Variants in RBFOX1 observed in about 807,000 individuals in gnomAD.
RBFOX1 encodes RNA binding fox-1 homolog 1.
A neutral mutation model predicts 57.7 loss-of-function variants in RBFOX1; 8 were observed. That is an observed-to-expected ratio of 0.14 (90% confidence interval 0.08 to 0.25). RBFOX1 has a LOEUF of 0.25. RBFOX1 is among the 10% of genes least tolerant of loss of function. The pLI is 1.00. For synonymous variants in RBFOX1, 326 were observed against 222.4 expected (o/e 1.47, Z -4.15); for missense variants, 611 against 548.5 (o/e 1.11, Z -1.14).
chr16:5,636,119 G>A (rs981252062), intron 3 of RBFOX1, among the ~76,000 whole-genome samples: 1 of 152,078 alleles, frequency 6.6e-6, no homozygotes, highest in African/African-American at 2.4e-5. Flanking sequence ...AGGCAAAGGC[G>A]GGTGGATCAC....
At chr16:6,718,039 C>T (rs989065765) in intron 3 of RBFOX1, among the ~76,000 whole-genome samples, 2 of 152,296 alleles carry the variant, frequency 1.3e-5, no homozygotes, top group South Asian at 4.1e-4. Context: ...ACTGGTGTTT[C>T]ATCCCAAATA....
At chr16:6,823,084 G>A (rs2091579765) in intron 3 of RBFOX1, among the ~76,000 whole-genome samples, 1 of 152,054 alleles carries the variant, frequency 6.6e-6, no homozygotes, top group Admixed American at 6.6e-5. Context: ...CCATTTTACA[G>A]ATGGGAGACT....
intron 3 of RBFOX1, among the ~76,000 whole-genome samples, chr16:5,719,496 C>A (rs907937079): frequency 2.0e-5 from 3 of 152,038 alleles, no homozygotes; most frequent in Non-Finnish European, 2.9e-5. Flanking sequence ...AGGCATGAGC[C>A]ACTGCCCTAG....
intron 2 of RBFOX1, among the ~76,000 whole-genome samples, chr16:6,473,288 T>G (rs1003602107): frequency 6.6e-6 from 1 of 152,188 alleles, no homozygotes; most frequent in African/African-American, 2.4e-5. Context: ...GTCTCATTTT[T>G]GTAGTTCTGT....
chr16:7,510,335 T>G (rs1049714719), intron 4 of RBFOX1: 1 of 985,642 alleles, frequency 1.0e-6, no homozygotes, highest in African/African-American at 1.7e-5. Context: ...TTTTTTCCAT[T>G]TAATCTTTCA....
chr16:5,857,024 G>A (rs995626653), intron 3 of RBFOX1, among the ~76,000 whole-genome samples: 3 of 152,106 alleles, frequency 2.0e-5, no homozygotes, highest in African/African-American at 4.8e-5. Flanking sequence ...CTTTTGACAT[G>A]CTTTTCTCAC....
intron 3 of RBFOX1, among the ~76,000 whole-genome samples, chr16:6,818,469 T>C (rs1012890901): frequency 6.6e-6 from 1 of 152,198 alleles, no homozygotes; most frequent in African/African-American, 2.4e-5. Context: ...AGTGAGAGTT[T>C]TATGAGTGAG....
chr16:6,740,139 C>G lies in RBFOX1; in HGVS notation c.-16+85489C>G, dbSNP rs753418371. On this transcript the variant is annotated intron_variant, in intron 3 of 15. Transcript: ENST00000550418. ...TTTGAAAATCAATTGATGTTATTCA[C>G]TATACCGATAGGTTCAAGAAGAAAA... Among the ~76,000 whole-genome samples, 43 of 152,280 alleles carry G rather than the reference C, an allele frequency of 2.8e-4. No individual in the cohort carries two copies. The Middle Eastern group carries it at 0.01, about 36-fold the overall frequency.
chr16:5,719,913 T>C (rs1294560825), intron 3 of RBFOX1, among the ~76,000 whole-genome samples: 1 of 152,156 alleles, frequency 6.6e-6, no homozygotes, highest in Non-Finnish European at 1.5e-5. Flanking sequence ...CTCTCGAAAG[T>C]ATATTTAGAA....
At chr16:5,721,253 C>T (rs2051921430) in intron 3 of RBFOX1, among the ~76,000 whole-genome samples, 1 of 152,058 alleles carries the variant, frequency 6.6e-6, no homozygotes, top group Admixed American at 6.6e-5. Flanking sequence ...ATGAGTTGTT[C>T]ATTACTAGTG....
At chr16:7,710,111 A>C (rs1352815523) in intron 15 of RBFOX1, 1 of 1,005,608 alleles carries the variant, frequency 9.9e-7, no homozygotes, top group Non-Finnish European at 1.2e-6. Context: ...AATTACATCA[A>C]GCAATTCATC....
At chr16:6,123,697 A>C (rs1270016712) in intron 1 of RBFOX1, among the ~76,000 whole-genome samples, 1 of 152,136 alleles carries the variant, frequency 6.6e-6, no homozygotes, top group Non-Finnish European at 1.5e-5. Flanking sequence ...TTCAGCTCAG[A>C]AGTCCAAGAC....
intron 12 of RBFOX1, among the ~76,000 whole-genome samples, chr16:7,660,371 C>T (rs558954198): frequency 3.6e-4 from 55 of 152,266 alleles, no homozygotes; most frequent in Non-Finnish European, 6.2e-4. Context: ...CTGTTTAGTG[C>T]GCAATGGTAA....
Position 5,567,233 on chromosome 16 carries a change from G to A in RBFOX1, c.259-31669G>A, listed in dbSNP as rs934885996. 4.6e-5 allele frequency among the ~76,000 whole-genome samples: 7 copies of A among 152,318 alleles called. No homozygotes were observed. The South Asian group carries it at 6.2e-4, about 14-fold the overall frequency. On this transcript the variant is annotated intron_variant, in intron 2 of 2. Transcript: ENST00000585867. ...CCATGGCCTTGCAGACATGTGGGAC[G>A]TATCCTGTGTGGATATCCCATGTGG...
intron 2 of RBFOX1, among the ~76,000 whole-genome samples, chr16:5,571,775 G>T (rs535073426): frequency 6.6e-6 from 1 of 152,054 alleles, no homozygotes; most frequent in African/African-American, 2.4e-5. Context: ...AGAAGCTCAG[G>T]GTCCTTGTTC....
intron 1 of RBFOX1, among the ~76,000 whole-genome samples, chr16:5,364,497 C>T (rs575760009): frequency 6.6e-6 from 1 of 152,182 alleles, no homozygotes; most frequent in Non-Finnish European, 1.5e-5. Context: ...TTTCTTGGTT[C>T]CCGATGCAAG....
At chr16:6,996,372 T>C (rs2153622851) in intron 3 of RBFOX1, among the ~76,000 whole-genome samples, 1 of 152,310 alleles carries the variant, frequency 6.6e-6, no homozygotes, top group African/African-American at 2.4e-5. Flanking sequence ...TGCATGTGTG[T>C]GTGTGCATAT....
intron 3 of RBFOX1, among the ~76,000 whole-genome samples, chr16:6,727,487 C>T (rs966440433): frequency 6.6e-6 from 1 of 151,890 alleles, no homozygotes; most frequent in Non-Finnish European, 1.5e-5. Context: ...AGGGCAAAAA[C>T]TGGATTATAC....
At chr16:7,370,180 C>G (rs1409851556) in intron 4 of RBFOX1, among the ~76,000 whole-genome samples, 1 of 152,182 alleles carries the variant, frequency 6.6e-6, no homozygotes, top group African/African-American at 2.4e-5. Context: ...CCCCTTCCCT[C>G]ATTATGACAA....
Sources: gnomAD v4.1 joint callset for allele counts (sites outside exome capture counted in the v4.1 genomes callset) on GRCh38, gnomAD v4.1.1 for gene constraint, MANE v1.5 for transcripts, NCBI Gene and HGNC (gene_info 2026-07-23, HGNC 2026-07-21) for gene names.